Variants in BAG4 observed in about 807,000 individuals in gnomAD.
BAG4 encodes the protein BAG family molecular chaperone regulator 4.
Under a neutral mutation model 52.1 loss-of-function variants are expected in BAG4, and 28 were observed. The observed-to-expected ratio is 0.54, with a 90% CI of 0.40 to 0.74. The LOEUF (loss-of-function observed/expected upper bound fraction) is 0.74. Among genes scored for constraint, BAG4 ranks in the 30% least tolerant of loss-of-function variants. The probability of loss-of-function intolerance (pLI) is 0.00; values close to 1 mark genes in which losing one functional copy is unlikely to be tolerated. For missense variants in BAG4, 525 were observed against 572.0 expected (o/e 0.92, Z 0.84); for synonymous variants, 208 against 217.0 (o/e 0.96, Z 0.37).
At chr8:38,187,102 T>G (rs1281984204) in intron 1 of BAG4, among the ~76,000 whole-genome samples, 1 of 152,126 alleles carries the variant, frequency 6.6e-6, no homozygotes, top group African/African-American at 2.4e-5. Context: ...TAACAGAAAC[T>G]GATTGTGAAA....
intron 1 of BAG4, among the ~76,000 whole-genome samples, chr8:38,182,717 T>C (rs1803291368): frequency 6.6e-6 from 1 of 152,192 alleles, no homozygotes; most frequent in Non-Finnish European, 1.5e-5. Flanking sequence ...TGCTATTTCA[T>C]AGAATTAGTG....
At position 38,176,913 on chromosome 8, in the gene BAG4, C is replaced by A. The variant is rs573786065; in HGVS notation, c.44C>A (p.Pro15Gln). 4.5e-6 allele frequency: 7 copies of A among 1,548,514 alleles called. No individual in the cohort carries two copies. The highest frequency in any genetic ancestry group is 2.6e-6 in the Non-Finnish European group (3 of 1,146,492). The change falls in exon 1 of 5, where the codon CCG becomes CAG. Residue 15 changes from proline to glutamine, a missense_variant. Physicochemically the swap from Pro to Gln is moderately conservative, Grantham distance 76. Coordinates refer to ENST00000287322, the MANE Select transcript of BAG4 (RefSeq NM_004874.4). The stretch of plus-strand genomic sequence containing the variant: ...TCGGGCTACGGCCCCAGTGACGGTC[C>A]GTCCTACGGCCGCTACTACGGGCCT... ...RRSGYGPSDG[P>Q]SYGRYYGPGG...
intron 2 of BAG4, among the ~76,000 whole-genome samples, chr8:38,193,244 C>T (rs1383772617): frequency 2.0e-5 from 3 of 151,912 alleles, no homozygotes; most frequent in Admixed American, 1.3e-4. Flanking sequence ...CATGGTGAAA[C>T]TCCATCTCTA....
At position 38,210,342 on chromosome 8, in the gene BAG4, C is replaced by G. The variant is rs1803845870; in HGVS notation, c.1223C>G (p.Ala408Gly). ...EEFVGKKTDK[A>G]YWLLEEMLTK... ...TTTGTAGGAAAAAAGACAGACAAAGCATACTGGCTTCTGGAAGAAATGCTA... is the reference window on the plus strand; with the variant it reads ...TTTGTAGGAAAAAAGACAGACAAAGGATACTGGCTTCTGGAAGAAATGCTA... Residue 408 changes from alanine (A) to glycine (G), a missense_variant, in exon 5 of 5, where the codon GCA (alanine) becomes GGA (glycine). Ala to Gly is a moderately conservative substitution (Grantham distance 60). This residue lies in a region of BAG4 where 238 missense variants were observed against 305.8 expected (regional missense o/e 0.78). Coordinates refer to ENST00000287322, the MANE Select transcript of BAG4 (RefSeq NM_004874.4). 45 of 1,614,160 alleles carry G rather than the reference C, an allele frequency of 2.8e-5. No individual in the cohort carries two copies. Among genetic ancestry groups the G allele is most frequent in the Non-Finnish European group, 3.8e-5 (45 of 1,180,040 alleles).
chr8:38,181,187 C>T (rs76379814), intron 1 of BAG4, among the ~76,000 whole-genome samples: 1 of 151,450 alleles, frequency 6.6e-6, no homozygotes, highest in African/African-American at 2.4e-5. Context: ...GTGATCCGCC[C>T]GCCTTGGCTG....
intron 2 of BAG4, among the ~76,000 whole-genome samples, chr8:38,194,180 T>C (rs552446618): frequency 6.6e-6 from 1 of 152,006 alleles, no homozygotes; most frequent in Non-Finnish European, 1.5e-5. Context: ...CCTGAAGTTA[T>C]ATTTATTACC....
intron 2 of BAG4, among the ~76,000 whole-genome samples, chr8:38,196,330 C>T (rs746491685): frequency 6.6e-6 from 1 of 152,150 alleles, no homozygotes; most frequent in Non-Finnish European, 1.5e-5. Flanking sequence ...GATTTCTCCA[C>T]ATCCTTACCA....
chr8:38,198,332 C>T (rs539887800), intron 2 of BAG4, among the ~76,000 whole-genome samples: 14 of 145,550 alleles, frequency 9.6e-5, no homozygotes, highest in South Asian at 6.8e-4. Flanking sequence ...TGCAATGAAC[C>T]GAGATCACGC....
At chr8:38,209,429 T>G in intron 4 of BAG4, 162 bp downstream of exon 4, 2 of 856,196 alleles carry the variant, frequency 2.3e-6, no homozygotes, top group Non-Finnish European at 3.4e-6. Context: ...CTTTTTCTTT[T>G]TTTTAATAGA....
At chr8:38,178,602 C>A (rs150057495) in intron 1 of BAG4, among the ~76,000 whole-genome samples, 1 of 152,298 alleles carries the variant, frequency 6.6e-6, no homozygotes, top group Non-Finnish European at 1.5e-5. Flanking sequence ...TATATTCATT[C>A]AATGGAGTAT....
At chr8:38,208,984 G>A (rs1435025191) in intron 3 of BAG4, 29 bp from the exon 4 acceptor site, 3 of 1,591,188 alleles carry the variant, frequency 1.9e-6, no homozygotes, top group South Asian at 1.1e-5. Flanking sequence ...TTTTCACAAT[G>A]ACTGGTATAT....
At chr8:38,206,694 G>T (rs1803773335) in intron 2 of BAG4, among the ~76,000 whole-genome samples, 1 of 152,176 alleles carries the variant, frequency 6.6e-6, no homozygotes, top group Non-Finnish European at 1.5e-5. Context: ...TCATTTTCCT[G>T]ATGGAGAAAC....
At position 38,213,121 on chromosome 8, in the gene BAG4, T is replaced by C. The variant is rs975497911; in HGVS notation, c.*2628T>C. 1 of 152,120 alleles carries C rather than the reference T, an allele frequency of 6.6e-6. No homozygotes were observed. The highest frequency in any genetic ancestry group is 1.5e-5 in the Non-Finnish European group (1 of 68,018). 9.4% of individuals were successfully genotyped at this position (152,120 alleles called of 1,614,324 possible). Reference sequence around the variant, plus strand: ...AAATATATGAACTTAAGAAGGAAAATAGTATTTATGATTTGTAGAATTGGT... The same window carrying C: ...AAATATATGAACTTAAGAAGGAAAACAGTATTTATGATTTGTAGAATTGGT... On this transcript the variant is annotated 3_prime_UTR_variant, in exon 5 of 5. Transcript: ENST00000287322.
In BAG4 at chr8:38,189,779, ATTTG is replaced by A. The variant is rs1404282703; in HGVS notation, c.271-2901_271-2898del. On this transcript the variant is annotated intron_variant, in intron 1 of 4. Coordinates refer to ENST00000287322, the MANE Select transcript of BAG4 (RefSeq NM_004874.4). ...CTGGCACACTGTCACTTTTATCCAT[ATTTG>A]TTTGTTTTGCATAAAAGGTTAAATT... 2.6e-5 allele frequency among the ~76,000 whole-genome samples: 4 copies of A among 152,134 alleles called. No homozygotes were observed. The East Asian group carries it at 5.8e-4, about 22-fold the overall frequency.
chr8:38,178,847 A>T (rs1476125719), intron 1 of BAG4, among the ~76,000 whole-genome samples: 1 of 152,166 alleles, frequency 6.6e-6, no homozygotes, highest in African/African-American at 2.4e-5. Flanking sequence ...AATGTTCTAA[A>T]ATCAGGGCCT....
At chr8:38,177,621 C>G (rs1351052171) in intron 1 of BAG4, among the ~76,000 whole-genome samples, 3 of 152,186 alleles carry the variant, frequency 2.0e-5, no homozygotes, top group Non-Finnish European at 2.9e-5. Flanking sequence ...AATGCCTTGC[C>G]TGAGATCGAA....
chr8:38,184,886 C>T (rs189665209), intron 1 of BAG4, among the ~76,000 whole-genome samples: 15 of 152,144 alleles, frequency 9.9e-5, no homozygotes, highest in South Asian at 4.1e-4. Flanking sequence ...GTCAGGAGAT[C>T]GAGACCATCC....
chr8:38,183,906 A>T (rs1309725201), intron 1 of BAG4, among the ~76,000 whole-genome samples: 1 of 152,238 alleles, frequency 6.6e-6, no homozygotes, highest in Non-Finnish European at 1.5e-5. Flanking sequence ...CCCAAGACAC[A>T]TAATCAGCCA....
Position 38,198,173 on chromosome 8 carries a change from A to T in BAG4, c.378+5378A>T, listed in dbSNP as rs547231455. 2.0e-5 allele frequency among the ~76,000 whole-genome samples: 3 copies of T among 151,652 alleles called. No individual in the cohort carries two copies. In the East Asian group the frequency reaches 5.9e-4, roughly 30 times the overall value. On this transcript the variant is annotated intron_variant, in intron 2 of 4. Coordinates refer to ENST00000287322, the MANE Select transcript of BAG4 (RefSeq NM_004874.4). ...GCCAAGGCGGGCAGATCACGAGGTC[A>T]GGAAATCGAGACCATCCTGGCTAAT...
Sources: allele counts gnomAD v4.1 joint callset (sites outside exome capture counted in the v4.1 genomes callset), GRCh38; gene constraint gnomAD v4.1.1; regional missense constraint gnomAD v4.1.1; transcripts MANE v1.5; gene names NCBI Gene and HGNC (gene_info 2026-07-23, HGNC 2026-07-21).